The following ADGRB1 variants were observed in gnomAD, a reference collection of about 807,000 sequenced individuals.
The protein encoded by ADGRB1 is brain-specific angiogenesis inhibitor 1.
In ADGRB1, 36 loss-of-function variants were observed where a neutral mutation model predicts 175.7. That is an observed-to-expected ratio of 0.20 (90% CI 0.16 to 0.27). The LOEUF is 0.27. Ranked by LOEUF, ADGRB1 falls within the 10% of genes least tolerant of loss-of-function variation. ADGRB1 has a pLI of 1.00. For missense variants in ADGRB1, 1,731 were observed against 2,255.3 expected (o/e 0.77, Z 4.71); for synonymous variants, 1,054 against 979.4 (o/e 1.08, Z -1.42).
At position 142,464,594 on chromosome 8, in the gene ADGRB1, C is replaced by T; in HGVS notation, c.396C>T (p.Pro132=). 1.3e-6 allele frequency: 2 copies of T among 1,528,886 alleles called. No homozygotes were observed. Among genetic ancestry groups the T allele is most frequent in the Middle Eastern group, 1.7e-4 (1 of 5,948 alleles). The allele number at this position is 1,528,886 out of a possible 1,614,324, so 94.7% of individuals were successfully genotyped here. ...EVLRLCDPSA[P]LAFLQASKQF... ...TGCGGCTCTGCGACCCCTCCGCACCCCTGGCCTTCCTGCAGGCCAGCAAGC... is the reference window on the plus strand; with the variant it reads ...TGCGGCTCTGCGACCCCTCCGCACCTCTGGCCTTCCTGCAGGCCAGCAAGC... The change falls in exon 2 of 31, where the codon CCC becomes CCT. Residue 132 remains proline, a synonymous_variant. Transcript: ENST00000517894.
In ADGRB1 at chr8:142,543,795, C is replaced by A; in HGVS notation, c.4557+87C>A. ...CTTCCCTGGATTTGTGCACTTCATC[C>A]ATCCATCCATCCATCCATCCATTCG... On this transcript the variant is annotated intron_variant, in intron 30 of 30. Coordinates refer to ENST00000517894, the MANE Select transcript of ADGRB1 (RefSeq NM_001702.3). The surrounding 1 kb of genome is among the most constrained non-coding windows in gnomAD (Gnocchi z 4.4). 1 of 1,118,296 alleles carries A rather than the reference C, an allele frequency of 8.9e-7. No individual in the cohort carries two copies. Among genetic ancestry groups the A allele is most frequent in the Non-Finnish European group, 1.3e-6 (1 of 762,450 alleles). 69.3% of individuals were successfully genotyped at this position (1,118,296 alleles called of 1,614,324 possible).
intron 22 of ADGRB1, among the ~76,000 whole-genome samples, chr8:142,524,007 CT>C (rs1844025617): frequency 1.3e-5 from 2 of 152,258 alleles, no homozygotes; most frequent in South Asian, 2.1e-4. Context: ...GGGTCCCCCC[CT>C]CTGGTACTGT....
At position 142,493,869 on chromosome 8, in the gene ADGRB1, G is replaced by T. The variant is rs183247726; in HGVS notation, c.2675+3054G>T. Among the ~76,000 whole-genome samples the T allele has an allele frequency of 6.6e-6, 1 of 152,202 alleles. No individual in the cohort carries two copies. The highest frequency in any genetic ancestry group is 2.4e-5 in the African/African-American group (1 of 41,448). On this transcript the variant is annotated intron_variant, in intron 17 of 30. Coordinates refer to ENST00000517894, the MANE Select transcript of ADGRB1 (RefSeq NM_001702.3). The surrounding 1 kb of genome is among the most constrained non-coding windows in gnomAD (Gnocchi z 5.0). ...GAGTTGGATGGCACCTCCCTTGACT[G>T]CTGCAGGGGCCACTCCTCGCCCTGT... is the stretch of plus-strand genomic sequence containing the variant.
intron 11 of ADGRB1, among the ~76,000 whole-genome samples, chr8:142,483,592 C>T (rs1022133837): frequency 2.0e-5 from 3 of 147,316 alleles, no homozygotes; most frequent in East Asian, 4.1e-4. Context: ...ACCCTGAGCC[C>T]TTATCCTGGT....
rs1052114757 is a variant in ADGRB1, at chr8:142,543,820, G to GTTCA, written c.4557+128_4557+131dup. 7.4e-6 allele frequency: 8 copies of GTTCA among 1,087,086 alleles called. No homozygotes were observed. The highest frequency in any genetic ancestry group is 4.7e-5 in the African/African-American group (3 of 63,870). The allele number at this position is 1,087,086 out of a possible 1,614,324, so 67.3% of individuals were successfully genotyped here. A position where few individuals can be genotyped will look rare whatever the true frequency, so the allele number is the denominator to read the frequency against. On this transcript the variant is annotated intron_variant, in intron 30 of 30. Transcript: ENST00000517894. This position sits in a 1 kb window ranked among gnomAD's most constrained non-coding sequence, Gnocchi z 4.4. Reference sequence around the variant, plus strand: ...CATCCATCCATCCATCCATCCATTCGTTCATTCATTCATTCATTCGCCCAT... The same window carrying GTTCA: ...CATCCATCCATCCATCCATCCATTCGTTCATTCATTCATTCATTCATTCGCCCAT...
chr8:142,500,876 G>A (rs1842487586), intron 17 of ADGRB1, among the ~76,000 whole-genome samples: 1 of 152,228 alleles, frequency 6.6e-6, no homozygotes, highest in Non-Finnish European at 1.5e-5. Context: ...AGTGGGGTCA[G>A]CCTGGAGATC....
chr8:142,463,400 G>A (rs1338314541), intron 1 of ADGRB1, among the ~76,000 whole-genome samples: 1 of 152,244 alleles, frequency 6.6e-6, no homozygotes, highest in Non-Finnish European at 1.5e-5. Flanking sequence ...TGCTCTCCAA[G>A]CCTTTAGAAA....
intron 9 of ADGRB1, among the ~76,000 whole-genome samples, chr8:142,480,877 C>G (rs1004927692): frequency 1.3e-5 from 2 of 152,114 alleles, no homozygotes; most frequent in African/African-American, 4.8e-5. Flanking sequence ...CCCTGTAGCC[C>G]TGTGGATGCA....
At chr8:142,452,342 C>T (rs1012645205) in intron 1 of ADGRB1, among the ~76,000 whole-genome samples, 3 of 152,194 alleles carry the variant, frequency 2.0e-5, no homozygotes, top group Non-Finnish European at 4.4e-5. Context: ...CCTCCGATCC[C>T]AGGGACGGGC....
chr8:142,488,739 G>A (rs1296493634), intron 14 of ADGRB1, among the ~76,000 whole-genome samples: 3 of 152,186 alleles, frequency 2.0e-5, no homozygotes, highest in African/African-American at 4.8e-5. Context: ...GAGGGACAGG[G>A]AGTCACGTGT....
chr8:142,487,068 A>G (rs1316328985), intron 13 of ADGRB1, among the ~76,000 whole-genome samples: 1 of 152,210 alleles, frequency 6.6e-6, no homozygotes, highest in Admixed American at 6.5e-5. Flanking sequence ...TGCCTCAGCT[A>G]GAAACATCAA....
At chr8:142,479,875 C>T in intron 9 of ADGRB1, 81 bp downstream of exon 9, 1 of 1,424,808 alleles carries the variant, frequency 7.0e-7, no homozygotes, top group South Asian at 1.3e-5. Flanking sequence ...GCTGTCAGCA[C>T]TGGGAGGCGG....
Position 142,464,870 on chromosome 8 carries a change from C to G in ADGRB1, c.672C>G (p.Ala224=). 6.6e-7 allele frequency: 1 copy of G among 1,521,228 alleles called. No individual in the cohort carries two copies. The highest frequency in any genetic ancestry group is 8.8e-7 in the Non-Finnish European group (1 of 1,140,234). The allele number at this position is 1,521,228 out of a possible 1,614,324, so 94.2% of individuals were successfully genotyped here. A position where few individuals can be genotyped will look rare whatever the true frequency, so the allele number is the denominator to read the frequency against. Residue 224 remains alanine (A), a synonymous_variant, in exon 2 of 31, where the codon GCC becomes GCG. Coordinates refer to ENST00000517894, the MANE Select transcript of ADGRB1 (RefSeq NM_001702.3). The part of the protein sequence containing the change: ...ACLGGEAGGP[A]AGPLAPRGDV... The stretch of plus-strand genomic sequence containing the variant: ...TGGGCGGCGAGGCGGGCGGCCCTGC[C>G]GCGGGACCCCTGGCCCCCCGCGGGG...
intron 21 of ADGRB1, 82 bp from the exon 22 acceptor site, chr8:142,522,559 C>T (rs1843914793): frequency 1.5e-6 from 2 of 1,377,432 alleles, no homozygotes; most frequent in Non-Finnish European, 2.0e-6. Context: ...TGGCCCCCGC[C>T]CTTCACGGCA....
At chr8:142,535,877 T>G (rs1587437892) in intron 25 of ADGRB1, among the ~76,000 whole-genome samples, 1 of 151,734 alleles carries the variant, frequency 6.6e-6, no homozygotes, top group Non-Finnish European at 1.5e-5. Flanking sequence ...CGGCCTGGAG[T>G]CCTTAGCTGG....
Position 142,484,787 on chromosome 8 carries a change from AC to A in ADGRB1, c.2308+29del, listed in dbSNP as rs1014220577. On this transcript the variant is annotated intron_variant, in intron 13 of 30. Coordinates refer to ENST00000517894, the MANE Select transcript of ADGRB1 (RefSeq NM_001702.3). ...TGGGTAAGCCTGCCCGCCTGCTGCCACCCCCCATGCCTTGCTTTGCAGCCCT... is the reference window on the plus strand; with the variant it reads ...TGGGTAAGCCTGCCCGCCTGCTGCCACCCCCATGCCTTGCTTTGCAGCCCT... 5 of 1,536,614 alleles carry A rather than the reference AC, an allele frequency of 3.3e-6. No individual in the cohort carries two copies. In the East Asian group the frequency reaches 9.4e-5, roughly 29 times the overall value.
intron 1 of ADGRB1, among the ~76,000 whole-genome samples, chr8:142,458,242 C>T (rs1839786828): frequency 6.6e-6 from 1 of 152,152 alleles, no homozygotes; most frequent in South Asian, 2.1e-4. Flanking sequence ...GAGAGAAGGG[C>T]CTTGGACAGC....
chr8:142,524,204 C>T, intron 22 of ADGRB1, 34 bp from the exon 23 acceptor site: 4 of 1,586,094 alleles, frequency 2.5e-6, no homozygotes, highest in Non-Finnish European at 3.4e-6. Context: ...CCCCTCTGCA[C>T]ACGGGCGGTG....
Position 142,543,917 on chromosome 8 carries a change from C to T in ADGRB1, c.4557+209C>T, listed in dbSNP as rs72689056. Among the ~76,000 whole-genome samples the T allele has an allele frequency of 5.9e-5, 9 of 152,276 alleles. No homozygotes were observed. The highest frequency in any genetic ancestry group is 1.2e-4 in the Non-Finnish European group (8 of 68,008). On this transcript the variant is annotated intron_variant, in intron 30 of 30. Coordinates refer to ENST00000517894, the MANE Select transcript of ADGRB1 (RefSeq NM_001702.3). This position sits in a 1 kb window ranked among gnomAD's most constrained non-coding sequence, Gnocchi z 4.4. ...GGCCATACTGGGAGCTGAGCGGTCA[C>T]GAGCCTGCTCCTGGGGCCAGGGGTC...
Sources: allele counts gnomAD v4.1 joint callset (sites outside exome capture counted in the v4.1 genomes callset), GRCh38; gene constraint gnomAD v4.1.1; non-coding constraint Gnocchi (gnomAD v3.1); transcripts MANE v1.5; gene names NCBI Gene and HGNC (gene_info 2026-07-23, HGNC 2026-07-21).